The following CHLSN variants were observed in gnomAD, a reference collection of about 807,000 sequenced individuals.
The protein encoded by CHLSN is cholesin, also known as protein cholesin.
chr7:1,096,505 G>T, the CHLSN span, among the ~76,000 whole-genome samples: 1 of 152,168 alleles, frequency 6.6e-6, no homozygotes. The surrounding 1 kb of genome is among the most constrained non-coding windows in gnomAD (Gnocchi z 4.6). Context: ...TGCCGCCGGC[G>T]CAGCCACACA....
At chr7:1,052,016 T>C in the CHLSN span, among the ~76,000 whole-genome samples, 1 of 152,130 alleles carries the variant, frequency 6.6e-6, no homozygotes, top group Admixed American at 6.5e-5. The surrounding 1 kb of genome is among the most constrained non-coding windows in gnomAD (Gnocchi z 4.2). Flanking sequence ...AACAGATGAA[T>C]CCCATTTGTG....
the CHLSN span, chr7:986,500 C>T: frequency 2.8e-5 from 32 of 1,152,716 alleles, 1 homozygote; most frequent in Admixed American, 3.0e-4. Flanking sequence ...GTTCTGTGGC[C>T]GCCTCCAGCA....
the CHLSN span, chr7:1,093,350 G>A: frequency 4.7e-6 from 2 of 424,850 alleles, no homozygotes; most frequent in African/African-American, 4.1e-5. Context: ...TGTCCTCTGT[G>A]CCCACGGTCT....
chr7:1,070,201 C>T, the CHLSN span, among the ~76,000 whole-genome samples: 18 of 133,760 alleles, frequency 1.3e-4, no homozygotes, highest in East Asian at 6.6e-4. Context: ...GCAGCCACCC[C>T]ATCTGGGAAG....
the CHLSN span, among the ~76,000 whole-genome samples, chr7:1,084,194 G>A: frequency 2.6e-5 from 4 of 152,372 alleles, no homozygotes; most frequent in Admixed American, 6.5e-5. Context: ...TTTCTATAAA[G>A]GGGCTGCTGG....
the CHLSN span, chr7:1,088,070 G>A: frequency 2.0e-5 from 3 of 152,220 alleles, no homozygotes; most frequent in African/African-American, 7.2e-5. This position sits in a 1 kb window ranked among gnomAD's most constrained non-coding sequence, Gnocchi z 4.5. Flanking sequence ...GAGAGGAGCG[G>A]GGCGGAGGGG....
the CHLSN span, among the ~76,000 whole-genome samples, chr7:999,730 C>T: frequency 1.6e-4 from 25 of 152,210 alleles, no homozygotes; most frequent in African/African-American, 5.8e-4. Flanking sequence ...CTGCCCCCAG[C>T]GCGCACGCAA....
the CHLSN span, among the ~76,000 whole-genome samples, chr7:1,112,799 C>T: frequency 2.4e-4 from 36 of 151,972 alleles, no homozygotes; most frequent in African/African-American, 7.5e-4. Context: ...GAACGCAAAA[C>T]GGCACGGCCA....
chr7:985,086 G>A, the CHLSN span: 2 of 1,612,276 alleles, frequency 1.2e-6, no homozygotes, highest in East Asian at 4.5e-5. Flanking sequence ...CTGGGCAGCT[G>A]GATGGCTACA....
the CHLSN span, among the ~76,000 whole-genome samples, chr7:1,111,752 G>A: frequency 2.6e-5 from 4 of 152,132 alleles, no homozygotes; most frequent in Admixed American, 1.3e-4. Context: ...CAGTGAGCCA[G>A]GATCACGCCA....
chr7:1,135,124 C>G, the CHLSN span, among the ~76,000 whole-genome samples: 1 of 152,142 alleles, frequency 6.6e-6, no homozygotes, highest in Non-Finnish European at 1.5e-5. Flanking sequence ...AGAACTTCTG[C>G]TTTTGCTCCC....
At chr7:1,051,720 TC>T in the CHLSN span, among the ~76,000 whole-genome samples, 9 of 152,336 alleles carry the variant, frequency 5.9e-5, no homozygotes, top group African/African-American at 2.2e-4. Flanking sequence ...ACACCTGTAA[TC>T]CCAGCACTTT....
At chr7:1,016,156 CCAGCACACAGCAGCACACAG>C in the CHLSN span, among the ~76,000 whole-genome samples, 1 of 54,716 alleles carries the variant, frequency 1.8e-5, no homozygotes, top group Non-Finnish European at 3.2e-5. Flanking sequence ...GCAGCACACG[CCAGCACACAGCAGCACACAG>C]CAGCACACGC....
At chr7:1,112,705 TAAAAAAAA>T in the CHLSN span, among the ~76,000 whole-genome samples, 1 of 99,130 alleles carries the variant, frequency 1.0e-5, no homozygotes, top group Non-Finnish European at 2.3e-5. Flanking sequence ...TCCAAATGGC[TAAAAAAAA>T]AAAAAAAAAA....
chr7:1,013,468 G>C, the CHLSN span, among the ~76,000 whole-genome samples: 22 of 152,176 alleles, frequency 1.4e-4, no homozygotes, highest in Admixed American at 2.6e-4. Context: ...CAGCAGCCAG[G>C]GGTGACTCCA....
At chr7:1,070,878 GCACATGCACACACGTGCACA>G in the CHLSN span, among the ~76,000 whole-genome samples, 2 of 140,988 alleles carry the variant, frequency 1.4e-5, no homozygotes, top group African/African-American at 5.6e-5. Context: ...GCGCACACGT[GCACATGCACACACGTGCACA>G]CACATGCACG....
chr7:996,655 C>T, the CHLSN span, among the ~76,000 whole-genome samples: 1 of 152,232 alleles, frequency 6.6e-6, no homozygotes, highest in African/African-American at 2.4e-5. Flanking sequence ...TCCCCGGCAG[C>T]TGCCCAGAGC....
At chr7:1,097,065 G>A in the CHLSN span, among the ~76,000 whole-genome samples, 3 of 152,242 alleles carry the variant, frequency 2.0e-5, no homozygotes, top group Admixed American at 2.0e-4. The surrounding 1 kb of genome is among the most constrained non-coding windows in gnomAD (Gnocchi z 4.3). Flanking sequence ...GAGCCCATGG[G>A]AACGGGTCAG....
the CHLSN span, among the ~76,000 whole-genome samples, chr7:991,870 C>T: frequency 1.3e-5 from 2 of 152,190 alleles, no homozygotes; most frequent in Non-Finnish European, 2.9e-5. Context: ...CTCCCCAGTC[C>T]TTCTCCTTCC....
Sources: gnomAD v4.1 joint callset for allele counts (sites outside exome capture counted in the v4.1 genomes callset) on GRCh38, gnomAD v4.1.1 for gene constraint, Gnocchi (gnomAD v3.1) non-coding constraint, MANE v1.5 for transcripts, NCBI Gene and HGNC (gene_info 2026-07-23, HGNC 2026-07-21) for gene names.